Variants in GRIN2B observed in about 807,000 individuals in gnomAD.
GRIN2B encodes glutamate receptor ionotropic, NMDA 2B.
Under a neutral mutation model 114.5 loss-of-function variants are expected in GRIN2B, and 5 were observed. The ratio of observed to expected loss-of-function variants is 0.04; its 90% CI spans 0.02 to 0.09. The LOEUF (loss-of-function observed/expected upper bound fraction) is 0.09. Ranked by LOEUF, GRIN2B falls within the 10% of genes least tolerant of loss-of-function variation. The pLI is 1.00. For missense variants in GRIN2B, 1,108 were observed against 1,943.5 expected (o/e 0.57, Z 8.08); for synonymous variants, 787 against 745.1 (o/e 1.06, Z -0.92).
At chr12:13,704,005 C>A (rs16909411) in intron 4 of GRIN2B, among the ~76,000 whole-genome samples, 3,792 of 152,230 alleles carry the variant, frequency 0.025, 168 homozygotes, top group African/African-American at 0.088. Flanking sequence ...AAGGCTATGG[C>A]TGCAAGAAGA....
At chr12:13,585,192 A>G (rs1046137463) in intron 10 of GRIN2B, among the ~76,000 whole-genome samples, 2 of 152,306 alleles carry the variant, frequency 1.3e-5, no homozygotes, top group African/African-American at 4.8e-5. Context: ...AGTTATTAGC[A>G]CAATCACCTG....
chr12:13,630,165 A>G (rs576419077), intron 5 of GRIN2B, among the ~76,000 whole-genome samples: 3 of 152,324 alleles, frequency 2.0e-5, no homozygotes, highest in African/African-American at 7.2e-5. Context: ...TAACAGCAAG[A>G]TTTCAAAAGG....
intron 5 of GRIN2B, among the ~76,000 whole-genome samples, chr12:13,672,634 C>T (rs1258281071): frequency 6.6e-6 from 1 of 152,144 alleles, no homozygotes; most frequent in Non-Finnish European, 1.5e-5. Context: ...AGTTGGGGAG[C>T]TACATGGCTC....
At chr12:13,951,859 G>A (rs180712136) in intron 2 of GRIN2B, among the ~76,000 whole-genome samples, 1 of 152,306 alleles carries the variant, frequency 6.6e-6, no homozygotes, top group East Asian at 1.9e-4. Flanking sequence ...TTCACAGGAA[G>A]AAGGGGATAA....
intron 3 of GRIN2B, among the ~76,000 whole-genome samples, chr12:13,845,294 C>T (rs1865450745): frequency 6.6e-6 from 1 of 152,140 alleles, no homozygotes; most frequent in Non-Finnish European, 1.5e-5. Flanking sequence ...CCCCAAATGT[C>T]ATTAATATTA....
At chr12:13,608,417 G>A (rs1216476929) in intron 10 of GRIN2B, among the ~76,000 whole-genome samples, 186 bp downstream of exon 10, 3 of 152,094 alleles carry the variant, frequency 2.0e-5, no homozygotes, top group Non-Finnish European at 4.4e-5. Context: ...CGAATCAGGA[G>A]GCCAACATGA....
At chr12:13,955,855 GAAGATCA>G (rs1028724339) in intron 2 of GRIN2B, among the ~76,000 whole-genome samples, 1 of 152,210 alleles carries the variant, frequency 6.6e-6, no homozygotes, top group African/African-American at 2.4e-5. Flanking sequence ...CGTGCAGTGT[GAAGATCA>G]AGAAGATGCA....
At chr12:13,775,537 T>C (rs1863989348) in intron 3 of GRIN2B, among the ~76,000 whole-genome samples, 1 of 152,216 alleles carries the variant, frequency 6.6e-6, no homozygotes, top group East Asian at 1.9e-4. Flanking sequence ...CAGTTCTCTG[T>C]CTGCCTATCT....
intron 4 of GRIN2B, among the ~76,000 whole-genome samples, chr12:13,679,454 A>C (rs1029011567): frequency 1.3e-5 from 2 of 152,100 alleles, no homozygotes; most frequent in African/African-American, 4.8e-5. Context: ...TTTTCCTTAG[A>C]AATTGTTCTC....
At chr12:13,886,321 A>G (rs1866156341) in intron 2 of GRIN2B, among the ~76,000 whole-genome samples, 1 of 152,196 alleles carries the variant, frequency 6.6e-6, no homozygotes, top group Non-Finnish European at 1.5e-5. Flanking sequence ...AGCATCCTAT[A>G]CATCATCTGC....
chr12:13,960,646 A>G (rs1231271058), intron 2 of GRIN2B, among the ~76,000 whole-genome samples: 1 of 152,154 alleles, frequency 6.6e-6, no homozygotes, highest in Non-Finnish European at 1.5e-5. Context: ...AAGACAATGA[A>G]TTTTGTTTTG....
chr12:13,857,041 A>C (rs1358107634), intron 3 of GRIN2B, among the ~76,000 whole-genome samples: 1 of 152,226 alleles, frequency 6.6e-6, no homozygotes, highest in Non-Finnish European at 1.5e-5. Context: ...AACAGTATTC[A>C]GTGCTGCAGA....
rs559476360 is a variant in GRIN2B at position 13,565,538 on chromosome 12, G to A, written c.2599-899C>T. 2.2e-3 allele frequency among the ~76,000 whole-genome samples: 331 copies of A among 152,256 alleles called. 1 individual carries two copies. The highest frequency in any genetic ancestry group is 7.6e-3 in the African/African-American group (317 of 41,538). ...AAGGACACCGTGCAGGAGAGGCAAC[G>A]GGCTGGGTTCCTGGAGGGCTCAGTA... On this transcript the variant is annotated intron_variant, in intron 13 of 13. Coordinates refer to ENST00000609686, the MANE Select transcript of GRIN2B (RefSeq NM_000834.5).
chr12:13,747,690 A>T (rs2136623275), intron 4 of GRIN2B, among the ~76,000 whole-genome samples: 1 of 152,326 alleles, frequency 6.6e-6, no homozygotes, highest in East Asian at 1.9e-4. Context: ...CTATGCATTC[A>T]TGTAACCTTT....
Position 13,883,117 on chromosome 12 carries a change from C to A in GRIN2B, c.-18-16891G>T, listed in dbSNP as rs570352430. Among the ~76,000 whole-genome samples the A allele has an allele frequency of 3.9e-5, 6 of 152,132 alleles. No homozygotes were observed. In the South Asian group the frequency reaches 1.2e-3, roughly 32 times the overall value. On this transcript the variant is annotated intron_variant, in intron 2 of 13. Coordinates refer to ENST00000609686, the MANE Select transcript of GRIN2B (RefSeq NM_000834.5). ...TCCTTTTTATTGCTGAGTAATATTC[C>A]TTTGTATAGATTTATCACAATATGT...
chr12:13,611,756 C>T lies in GRIN2B; in HGVS notation c.1749G>A (p.Val583=), dbSNP rs975105793. The stretch of plus-strand genomic sequence containing the variant: ...CATCAGCGAGGCACCTGTTATAACC[C>T]ACAGGGCTGAAGTACTCAAAGACAA... ...AVFVFEYFSP[V]GYNRCLADGR... is the part of the protein sequence containing the mutation. Residue 583 remains valine, a synonymous_variant, in exon 9 of 14, where the codon GTG becomes GTA. Transcript: ENST00000609686. The T allele has an allele frequency of 6.2e-7, 1 of 1,613,704 alleles. No individual in the cohort carries two copies. The highest frequency in any genetic ancestry group is 1.3e-5 in the African/African-American group (1 of 74,904).
At chr12:13,762,808 TG>T (rs1322691598) in intron 3 of GRIN2B, among the ~76,000 whole-genome samples, 1 of 152,236 alleles carries the variant, frequency 6.6e-6, no homozygotes, top group Non-Finnish European at 1.5e-5. Flanking sequence ...CAGTCATGCT[TG>T]TTTGGCCACA....
intron 5 of GRIN2B, among the ~76,000 whole-genome samples, chr12:13,653,269 A>G (rs1949834455): frequency 2.6e-5 from 4 of 152,056 alleles, no homozygotes; most frequent in Admixed American, 1.3e-4. Context: ...GAGAGGGGAG[A>G]AAATGGGGCA....
intron 4 of GRIN2B, among the ~76,000 whole-genome samples, chr12:13,697,587 GCT>G (rs1200234331): frequency 6.6e-6 from 1 of 152,110 alleles, no homozygotes; most frequent in African/African-American, 2.4e-5. Context: ...CAGCAAAGAG[GCT>G]CTACTCCATG....
Sources: gnomAD v4.1 joint callset for allele counts (sites outside exome capture counted in the v4.1 genomes callset) on GRCh38, gnomAD v4.1.1 for gene constraint, MANE v1.5 for transcripts, NCBI Gene and HGNC (gene_info 2026-07-23, HGNC 2026-07-21) for gene names.